Variants in RIPPLY3 observed in about 807,000 individuals in gnomAD.
The protein encoded by RIPPLY3 is ripply transcriptional repressor 3, also known as protein ripply3.
RIPPLY3 carries 8 observed loss-of-function variants against 11.9 expected under a neutral mutation model. The ratio of observed to expected loss-of-function variants is 0.67; its 90% CI spans 0.40 to 1.21. RIPPLY3 has a LOEUF of 1.21. RIPPLY3 is among the 50% of genes most tolerant of loss of function. The probability of loss-of-function intolerance (pLI) is 0.01; values close to 1 mark genes in which losing one functional copy is unlikely to be tolerated. For synonymous variants in RIPPLY3, 102 were observed against 99.0 expected, an observed-to-expected ratio of 1.03 and a Z score of -0.18; for missense variants, 271 against 246.0, an observed-to-expected ratio of 1.10 and a Z score of -0.68.
chr21:37,017,965 T>G lies in RIPPLY3; in HGVS notation c.331T>G (p.Phe111Val). ...ASFPVQATID[F>V]YDDESTESAS... ...TTTCCCAGTGCAAGCCACGATTGAC[T>G]TCTACGACGATGAGTCTACTGAGTC... The change falls in exon 4 of 4, where the codon TTC (phenylalanine) becomes GTC (valine). Residue 111 changes from phenylalanine to valine, a missense_variant. Phe to Val is a conservative substitution (Grantham distance 50). Coordinates refer to ENST00000329553, the MANE Select transcript of RIPPLY3 (RefSeq NM_018962.3). 6.2e-7 allele frequency: 1 copy of G among 1,614,168 alleles called. No individual in the cohort carries two copies. Among genetic ancestry groups the G allele is most frequent in the Non-Finnish European group, 8.5e-7 (1 of 1,180,024 alleles).
At chr21:37,016,218 C>G (rs1290096536) in intron 3 of RIPPLY3, among the ~76,000 whole-genome samples, 1 of 152,058 alleles carries the variant, frequency 6.6e-6, no homozygotes, top group Non-Finnish European at 1.5e-5. Flanking sequence ...ACGGTGGGAA[C>G]TATCCTGGGC....
At chr21:37,009,957 T>G (rs1254751226) in intron 2 of RIPPLY3, among the ~76,000 whole-genome samples, 1 of 152,200 alleles carries the variant, frequency 6.6e-6, no homozygotes, top group Non-Finnish European at 1.5e-5. Context: ...CCAGCGCCAG[T>G]CTGTGCTCTG....
intron 2 of RIPPLY3, among the ~76,000 whole-genome samples, chr21:37,011,538 G>A (rs1158183626): frequency 6.6e-6 from 1 of 152,206 alleles, no homozygotes; most frequent in African/African-American, 2.4e-5. Flanking sequence ...GAGGAAATAG[G>A]AGTGTTTTAT....
intron 2 of RIPPLY3, among the ~76,000 whole-genome samples, chr21:37,009,022 C>G (rs1012537602): frequency 1.3e-5 from 2 of 152,066 alleles, no homozygotes; most frequent in Non-Finnish European, 2.9e-5. Context: ...GCACTTTCAG[C>G]CCCGTCAAGC....
Position 37,012,863 on chromosome 21 carries a change from A to ATT in RIPPLY3, c.172-670_172-669dup, listed in dbSNP as rs3988826. Among the ~76,000 whole-genome samples, 12 of 119,000 alleles carry ATT rather than the reference A, an allele frequency of 1.0e-4. No individual in the cohort carries two copies. The East Asian group carries it at 2.9e-3, about 29-fold the overall frequency. The allele number at this position is 119,000 out of a possible 152,430, so 78.1% of individuals were successfully genotyped here. On this transcript the variant is annotated intron_variant, in intron 2 of 3. Transcript: ENST00000329553. ...CACCCCCTGTTTTCCTGCCACTCTG[A>ATT]TTTTTTTTTTTTTTTTTTTGAGACG...
intron 2 of RIPPLY3, among the ~76,000 whole-genome samples, chr21:37,011,734 AG>A (rs1224873310): frequency 7.2e-5 from 11 of 152,064 alleles, no homozygotes; most frequent in Admixed American, 7.2e-4. Flanking sequence ...TGGGAGGCCG[AG>A]GCGGGCGGAT....
Position 37,008,216 on chromosome 21 carries a change from G to T in RIPPLY3, c.164G>T (p.Gly55Val). The T allele has an allele frequency of 6.2e-7, 1 of 1,614,156 alleles. No individual in the cohort carries two copies. Among genetic ancestry groups the T allele is most frequent in the Non-Finnish European group, 8.5e-7 (1 of 1,180,036 alleles). Residue 55 changes from glycine (G) to valine (V), a missense_variant, in exon 2 of 4, where the codon GGA (glycine) becomes GTA (valine). By Grantham distance (109) the Gly-to-Val change is moderately radical. Coordinates refer to ENST00000329553, the MANE Select transcript of RIPPLY3 (RefSeq NM_018962.3). ...GGAGATGCTGAGCTGACCAGAACTGGAAGGCCGGTAAGGTTCAGTGCGGGC... is the reference window on the plus strand; with the variant it reads ...GGAGATGCTGAGCTGACCAGAACTGTAAGGCCGGTAAGGTTCAGTGCGGGC... Reference protein sequence around the residue: ...TPGDAELTRTGRPLEPRADQH... With the variant: ...TPGDAELTRTVRPLEPRADQH...
chr21:37,006,962 C>A lies in RIPPLY3; in HGVS notation c.104+86C>A. ...GAGCGCAGCGAGCGGGAGGCTGGGG[C>A]GCTGCTGAACCCCCGATCCCCAGCG... is the stretch of plus-strand genomic sequence containing the variant. On this transcript the variant is annotated intron_variant, in intron 1 of 3. Transcript: ENST00000329553. This position sits in a 1 kb window ranked among gnomAD's most constrained non-coding sequence, Gnocchi z 5.2. The A allele has an allele frequency of 7.8e-6, 6 of 773,268 alleles. No individual in the cohort carries two copies. Among genetic ancestry groups the A allele is most frequent in the Middle Eastern group, 9.1e-4 (2 of 2,194 alleles). The allele number at this position is 773,268 out of a possible 1,614,324, so 47.9% of individuals were successfully genotyped here. A position where few individuals can be genotyped will look rare whatever the true frequency, so the allele number is the denominator to read the frequency against.
chr21:37,008,278 T>C (rs2069486339), intron 2 of RIPPLY3, 55 bp downstream of exon 2: 7 of 1,582,536 alleles, frequency 4.4e-6, no homozygotes, highest in Non-Finnish European at 6.1e-6. Flanking sequence ...AGTGGCATCG[T>C]CTTTTAAAAT....
In RIPPLY3 at chr21:37,018,102, C is replaced by T. The variant is rs774499584; in HGVS notation, c.468C>T (p.Gly156=). ...CAGGGGGAAAGGGCAGAGACCAGGG[C>T]ATCAACCAAGGGCAGCGATCCTCAG... ...NGPGGKGRDQ[G]INQGQRSSGG... The change falls in exon 4 of 4, where the codon GGC becomes GGT. Residue 156 remains glycine, a synonymous_variant. Transcript: ENST00000329553. 13 of 1,613,936 alleles carry T rather than the reference C, an allele frequency of 8.1e-6. No individual in the cohort carries two copies. Among genetic ancestry groups the T allele is most frequent in the Non-Finnish European group, 1.7e-6 (2 of 1,179,996 alleles).
chr21:37,017,770 A>G (rs1359513734), intron 3 of RIPPLY3, 104 bp from the exon 4 acceptor site: 2 of 897,106 alleles, frequency 2.2e-6, no homozygotes, highest in African/African-American at 1.7e-5. Flanking sequence ...AAGACCAGAA[A>G]GGAAGACTGG....
upstream of RIPPLY3, chr21:37,006,644 C>G (rs1030555008): frequency 6.1e-6 from 3 of 491,066 alleles, no homozygotes; most frequent in Non-Finnish European, 9.4e-6. This position sits in a 1 kb window ranked among gnomAD's most constrained non-coding sequence, Gnocchi z 5.2. Flanking sequence ...CCCCTCCCAG[C>G]GCTTGCCCGC....
chr21:37,008,811 T>A (rs2069493156), intron 2 of RIPPLY3, among the ~76,000 whole-genome samples: 2 of 142,550 alleles, frequency 1.4e-5, no homozygotes, highest in South Asian at 4.5e-4. Context: ...TTATAAGGAA[T>A]GTCCTCCCTG....
intron 1 of RIPPLY3, among the ~76,000 whole-genome samples, chr21:37,007,593 G>A (rs1194607683): frequency 6.6e-6 from 1 of 151,866 alleles, no homozygotes; most frequent in Non-Finnish European, 1.5e-5. Context: ...ATTTTTAGTA[G>A]AGACTGGGTT....
chr21:37,011,856 G>A (rs2069525410), intron 2 of RIPPLY3, among the ~76,000 whole-genome samples: 1 of 147,336 alleles, frequency 6.8e-6, no homozygotes, highest in Admixed American at 7.0e-5. Context: ...GGGAGGCTGA[G>A]GCAGGAGAAT....
intron 2 of RIPPLY3, among the ~76,000 whole-genome samples, chr21:37,011,841 T>C (rs1056608533): frequency 2.1e-5 from 3 of 143,912 alleles, no homozygotes; most frequent in African/African-American, 7.8e-5. Flanking sequence ...TAGTCCCAGC[T>C]ACTCGGGAGG....
At position 37,008,170 on chromosome 21, in the gene RIPPLY3, C is replaced by G; in HGVS notation, c.118C>G (p.Arg40Gly). ...TTGCCGTTCCAGCCCCGCGCCGTGG[C>G]GACCTTGGATCCAGACACCTGGAGA... ...PRGPESPAPW[R>G]PWIQTPGDAE... Residue 40 changes from arginine to glycine, a missense_variant, in exon 2 of 4, where the codon CGA (arginine) becomes GGA (glycine). Arg to Gly is a moderately radical substitution (Grantham distance 125). Transcript: ENST00000329553. The G allele has an allele frequency of 6.2e-7, 1 of 1,614,124 alleles. No individual in the cohort carries two copies. Among genetic ancestry groups the G allele is most frequent in the Non-Finnish European group, 8.5e-7 (1 of 1,180,004 alleles).
chr21:37,012,760 A>T (rs572696261), intron 2 of RIPPLY3, among the ~76,000 whole-genome samples: 5 of 151,956 alleles, frequency 3.3e-5, no homozygotes, highest in Admixed American at 6.6e-5. Flanking sequence ...TATTCCAGGC[A>T]TATGTCACCG....
chr21:37,016,985 G>A lies in RIPPLY3; in HGVS notation c.240-889G>A, dbSNP rs144276438. Among the ~76,000 whole-genome samples the A allele has an allele frequency of 1.1e-4, 16 of 151,978 alleles. No individual in the cohort carries two copies. The East Asian group carries it at 2.3e-3, about 22-fold the overall frequency. ...AGCCTGACCAACATGGTGAAACTCC[G>A]TCTCTACTAAATACAAAAATTAGCC... is the stretch of plus-strand genomic sequence containing the variant. On this transcript the variant is annotated intron_variant, in intron 3 of 3. Transcript: ENST00000329553.
Sources: gnomAD v4.1 joint callset for allele counts (sites outside exome capture counted in the v4.1 genomes callset) on GRCh38, gnomAD v4.1.1 for gene constraint, Gnocchi (gnomAD v3.1) non-coding constraint, MANE v1.5 for transcripts, NCBI Gene and HGNC (gene_info 2026-07-23, HGNC 2026-07-21) for gene names.